CLPB: variants seen among roughly 807,000 people sequenced by gnomAD.
CLPB encodes the protein ClpB family mitochondrial disaggregase, also known as mitochondrial disaggregase.
In CLPB, 40 loss-of-function variants were observed where a neutral mutation model predicts 78.4. That is an observed-to-expected ratio of 0.51 (90% CI 0.40 to 0.66). The LOEUF is 0.66. Among genes scored for constraint, CLPB ranks in the 30% least tolerant of loss-of-function variants. CLPB has a pLI of 0.00. For synonymous variants in CLPB, 333 were observed against 348.0 expected, an observed-to-expected ratio of 0.96 and a Z score of 0.48; for missense variants, 780 against 886.9, an observed-to-expected ratio of 0.88 and a Z score of 1.53.
chr11:72,304,173 C>A (rs1024968296), intron 9 of CLPB: 11 of 152,228 alleles, frequency 7.2e-5, no homozygotes, highest in Non-Finnish European at 1.5e-4. Flanking sequence ...TGGCCGGAAT[C>A]ATCATTTTGA....
chr11:72,428,814 A>C (rs1856463756), intron 2 of CLPB: 1 of 152,240 alleles, frequency 6.6e-6, no homozygotes, highest in South Asian at 2.1e-4. Context: ...CGTTAAGTTC[A>C]ATTACTTTCT....
chr11:72,368,846 A>G (rs1045118790), intron 4 of CLPB, among the ~76,000 whole-genome samples: 2 of 152,188 alleles, frequency 1.3e-5, no homozygotes, highest in African/African-American at 4.8e-5. Context: ...CTACTTGAAA[A>G]TGGTTCTCAC....
chr11:72,293,717 G>A, intron 15 of CLPB, 102 bp from the exon 16 acceptor site: 2 of 1,384,544 alleles, frequency 1.4e-6, no homozygotes, highest in South Asian at 1.4e-5. Context: ...CCTCCTTTGA[G>A]CCTGAGCCTC....
intron 4 of CLPB, among the ~76,000 whole-genome samples, chr11:72,361,916 A>C (rs1246569036): frequency 1.3e-5 from 2 of 152,360 alleles, no homozygotes; most frequent in Admixed American, 6.5e-5. Context: ...GCAATGACAG[A>C]GCTATACACA....
intron 5 of CLPB, among the ~76,000 whole-genome samples, chr11:72,335,465 C>T (rs1950303252): frequency 6.6e-6 from 1 of 152,210 alleles, no homozygotes; most frequent in East Asian, 1.9e-4. Context: ...GGGTGTCCCC[C>T]ATTTAACTGA....
Position 72,353,829 on chromosome 11 carries a change from A to G in CLPB, c.775+5051T>C, listed in dbSNP as rs1046235059. Among the ~76,000 whole-genome samples the G allele has an allele frequency of 2.6e-5, 4 of 152,176 alleles. No individual in the cohort carries two copies. In the South Asian group the frequency reaches 8.3e-4, roughly 31 times the overall value. Reference sequence around the variant, plus strand: ...CGAGAATAAAGGCACCAAGGTGGGAACACAGTGTAGCTGGAGTATTAGGGC... The same window carrying G: ...CGAGAATAAAGGCACCAAGGTGGGAGCACAGTGTAGCTGGAGTATTAGGGC... On this transcript the variant is annotated intron_variant, in intron 5 of 15. Coordinates refer to ENST00000538039, the MANE Select transcript of CLPB (RefSeq NM_001258392.3).
At chr11:72,402,522 T>G (rs139166433) in intron 3 of CLPB, among the ~76,000 whole-genome samples, 1 of 152,052 alleles carries the variant, frequency 6.6e-6, no homozygotes, top group African/African-American at 2.4e-5. Flanking sequence ...CAGCCTCCAA[T>G]GGGAGGGAAA....
At chr11:72,380,452 G>A (rs898047536) in intron 3 of CLPB, 68 bp from the exon 4 acceptor site, 86 of 1,271,146 alleles carry the variant, frequency 6.8e-5, no homozygotes, top group Non-Finnish European at 8.6e-5. Flanking sequence ...ACCCAGATCC[G>A]GAAGCATGTT....
At chr11:72,368,974 G>C (rs1039824991) in intron 4 of CLPB, among the ~76,000 whole-genome samples, 9 of 152,164 alleles carry the variant, frequency 5.9e-5, no homozygotes, top group African/African-American at 1.9e-4. Context: ...ATGAATTAAA[G>C]ACTGGGTCAA....
chr11:72,301,823 T>A lies in CLPB; in HGVS notation c.1309A>T (p.Met437Leu). ...CTCACCTCATCAAACAGCTGCAGCATGATGGTGAGCACATCTGGATGGGCC... is the reference window on the plus strand; with the variant it reads ...CTCACCTCATCAAACAGCTGCAGCAAGATGGTGAGCACATCTGGATGGGCC... ...DKAHPDVLTI[M>L]LQLFDEGRLT... The change falls in exon 11 of 16, where the codon ATG becomes TTG. Residue 437 changes from methionine (M) to leucine (L), a missense_variant. Coordinates refer to ENST00000538039, the MANE Select transcript of CLPB (RefSeq NM_001258392.3). The A allele has an allele frequency of 6.2e-7, 1 of 1,614,134 alleles. No homozygotes were observed. Among genetic ancestry groups the A allele is most frequent in the South Asian group, 1.1e-5 (1 of 91,070 alleles).
intron 3 of CLPB, among the ~76,000 whole-genome samples, chr11:72,396,287 A>T (rs1855404605): frequency 6.6e-6 from 1 of 152,184 alleles, no homozygotes; most frequent in African/African-American, 2.4e-5. Context: ...GAGAAAAGGC[A>T]GAAGGAGGGA....
chr11:72,321,204 G>C (rs1413270934), intron 6 of CLPB, among the ~76,000 whole-genome samples: 1 of 152,194 alleles, frequency 6.6e-6, no homozygotes, highest in Non-Finnish European at 1.5e-5. Context: ...TACAAGACGA[G>C]TTCAAGGCTC....
In CLPB at chr11:72,289,459, C is replaced by G. The variant is rs931707437; in HGVS notation, c.*3908G>C. 6.6e-6 allele frequency: 1 copy of G among 151,788 alleles called. No individual in the cohort carries two copies. The highest frequency in any genetic ancestry group is 2.4e-5 in the African/African-American group (1 of 41,266). The allele number at this position is 151,788 out of a possible 1,614,324, so 9.4% of individuals were successfully genotyped here. On this transcript the variant is annotated 3_prime_UTR_variant, in exon 16 of 16. Transcript: ENST00000538039. ...AGTCTAAACATCAAATAGAAAGGAG[C>G]AGAAACAGAGATAGCAGGAGAAAAA...
chr11:72,317,243 G>T, intron 6 of CLPB, 23 bp from the exon 7 acceptor site: 3 of 1,565,098 alleles, frequency 1.9e-6, no homozygotes, highest in South Asian at 2.3e-5. Flanking sequence ...AGGGCAAATG[G>T]TTGAGGGCTG....
chr11:72,323,122 C>T (rs531542410), intron 6 of CLPB, among the ~76,000 whole-genome samples: 2 of 152,260 alleles, frequency 1.3e-5, no homozygotes, highest in East Asian at 1.9e-4. Flanking sequence ...AGTATTAATG[C>T]TTCTAGTAAA....
At chr11:72,366,458 C>T (rs944176117) in intron 4 of CLPB, among the ~76,000 whole-genome samples, 3 of 151,982 alleles carry the variant, frequency 2.0e-5, no homozygotes, top group African/African-American at 7.3e-5. Flanking sequence ...GAACTTCTGA[C>T]CATGGGTGAT....
chr11:72,384,437 A>C (rs1361973034), intron 3 of CLPB, among the ~76,000 whole-genome samples: 1 of 152,188 alleles, frequency 6.6e-6, no homozygotes, highest in Non-Finnish European at 1.5e-5. Context: ...AAGTAGATTC[A>C]TAAAAGGTAA....
rs370770484 is a variant in CLPB at position 72,331,639 on chromosome 11, A to G, written c.776-1835T>C. ...GCCCAGGCTGGAGTGCAGTGGCGTG[A>G]TATCTGTTCACTGCAACCTCCACCT... On this transcript the variant is annotated intron_variant, in intron 5 of 15. Transcript: ENST00000538039. 2.3e-4 allele frequency among the ~76,000 whole-genome samples: 29 copies of G among 126,700 alleles called. No homozygotes were observed. In the East Asian group the frequency reaches 6.3e-3, roughly 28 times the overall value. The allele number at this position is 126,700 out of a possible 152,430, so 83.1% of individuals were successfully genotyped here.
intron 5 of CLPB, among the ~76,000 whole-genome samples, chr11:72,333,587 T>A (rs1290427591): frequency 2.0e-5 from 3 of 152,212 alleles, no homozygotes; most frequent in Non-Finnish European, 4.4e-5. Flanking sequence ...GATTATTAGG[T>A]GCTACCTAGA....
Sources: allele counts gnomAD v4.1 joint callset (sites outside exome capture counted in the v4.1 genomes callset), GRCh38; gene constraint gnomAD v4.1.1; transcripts MANE v1.5; gene names NCBI Gene and HGNC (gene_info 2026-07-23, HGNC 2026-07-21).